Variants in MAN1A1 observed in about 807,000 individuals in gnomAD.
MAN1A1 encodes the protein mannosidase alpha class 1A member 1.
MAN1A1 carries 29 observed loss-of-function variants against 70.8 expected under a neutral mutation model. The observed-to-expected ratio is 0.41, with a 90% CI of 0.31 to 0.56. The LOEUF (loss-of-function observed/expected upper bound fraction) is 0.56. Ranked by LOEUF, MAN1A1 falls within the 20% of genes least tolerant of loss-of-function variation. MAN1A1 has a pLI of 0.29. For synonymous variants in MAN1A1, 349 were observed against 330.1 expected (o/e 1.06, Z -0.62); for missense variants, 747 against 841.3 (o/e 0.89, Z 1.39).
rs1487966413 is a variant in MAN1A1 at position 119,178,933 on chromosome 6, C to G, written c.*886G>C. 1 of 152,094 alleles carries G rather than the reference C, an allele frequency of 6.6e-6. No homozygotes were observed. The highest frequency in any genetic ancestry group is 2.4e-5 in the African/African-American group (1 of 41,440). 9.4% of individuals were successfully genotyped at this position (152,094 alleles called of 1,614,324 possible). On this transcript the variant is annotated 3_prime_UTR_variant, in exon 13 of 13. Transcript: ENST00000368468. ...AACTAAAAGCCATATGAAATACCCT[C>G]TCTTTAGACAGACCCAATTTCTTCA...
At chr6:119,249,108 C>T (rs906593142) in intron 5 of MAN1A1, among the ~76,000 whole-genome samples, 1 of 151,980 alleles carries the variant, frequency 6.6e-6, no homozygotes, top group Non-Finnish European at 1.5e-5. Flanking sequence ...TACCACAGAC[C>T]GGAGTGAAGA....
chr6:119,250,102 G>T (rs1317651938), intron 5 of MAN1A1, among the ~76,000 whole-genome samples: 2 of 152,058 alleles, frequency 1.3e-5, no homozygotes, highest in Admixed American at 1.3e-4. Context: ...AGAGCAAAGG[G>T]TATATTCTTC....
intron 6 of MAN1A1, among the ~76,000 whole-genome samples, chr6:119,248,056 G>A (rs900983105): frequency 1.3e-5 from 2 of 152,118 alleles, no homozygotes; most frequent in African/African-American, 2.4e-5. Flanking sequence ...TTGAGGTCAC[G>A]CCATCCCACA....
chr6:119,273,558 C>T (rs1233024782), intron 5 of MAN1A1, among the ~76,000 whole-genome samples: 1 of 152,118 alleles, frequency 6.6e-6, no homozygotes. Flanking sequence ...TAAAATATTT[C>T]CAAGACCTGC....
chr6:119,193,987 C>A, intron 8 of MAN1A1, 95 bp from the exon 9 acceptor site: 2 of 672,134 alleles, frequency 3.0e-6, no homozygotes, highest in South Asian at 1.8e-5. Context: ...AACCCTATGT[C>A]AACTGCAAGT....
At chr6:119,288,383 G>A (rs1026542850) in intron 5 of MAN1A1, among the ~76,000 whole-genome samples, 1 of 151,928 alleles carries the variant, frequency 6.6e-6, no homozygotes, top group African/African-American at 2.4e-5. Context: ...TAAAAAGTGT[G>A]TGGTATAAAA....
rs60924800 is a variant in MAN1A1, at chr6:119,235,477, C to T, written c.992+12783G>A. Among the ~76,000 whole-genome samples, 917 of 152,196 alleles carry T rather than the reference C, an allele frequency of 6.0e-3. 30 individuals are homozygous for T. The East Asian group carries it at 0.091, about 15-fold the overall frequency. ...AAGGCCCTAACTCTCTTTAATTCTA[C>T]GAAGACTGACAGAAGTGAAGAATCT... is the stretch of plus-strand genomic sequence containing the variant. On this transcript the variant is annotated intron_variant, in intron 6 of 12. Coordinates refer to ENST00000368468, the MANE Select transcript of MAN1A1 (RefSeq NM_005907.4).
chr6:119,203,112 G>A (rs1294321105), intron 7 of MAN1A1, among the ~76,000 whole-genome samples: 1 of 152,108 alleles, frequency 6.6e-6, no homozygotes, highest in Non-Finnish European at 1.5e-5. Context: ...TACCTCATGG[G>A]CAGTTTGATC....
chr6:119,216,414 G>C (rs1774204829), intron 6 of MAN1A1, among the ~76,000 whole-genome samples: 1 of 152,180 alleles, frequency 6.6e-6, no homozygotes, highest in Admixed American at 6.5e-5. Context: ...GAGTTGTCAG[G>C]AAGAATTGGA....
At chr6:119,331,582 T>TATATATACATAC (rs1554216776) in intron 2 of MAN1A1, among the ~76,000 whole-genome samples, 3 of 144,738 alleles carry the variant, frequency 2.1e-5, no homozygotes, top group African/African-American at 7.7e-5. Flanking sequence ...TATATATATA[T>TATATATACATAC]ATATATATAT....
intron 8 of MAN1A1, among the ~76,000 whole-genome samples, chr6:119,195,677 T>A (rs1773551019): frequency 6.6e-6 from 1 of 152,218 alleles, no homozygotes; most frequent in African/African-American, 2.4e-5. Flanking sequence ...GTCTTGCACA[T>A]GGTAGGTACT....
intron 5 of MAN1A1, among the ~76,000 whole-genome samples, chr6:119,283,837 C>T (rs577449005): frequency 1.5e-4 from 23 of 152,148 alleles, no homozygotes; most frequent in African/African-American, 5.1e-4. Flanking sequence ...CTTTTAAGGC[C>T]ACATGGACCA....
chr6:119,207,849 C>T (rs1337249616), intron 6 of MAN1A1, among the ~76,000 whole-genome samples: 2 of 152,048 alleles, frequency 1.3e-5, no homozygotes, highest in East Asian at 3.9e-4. Flanking sequence ...CTCGGGCATT[C>T]CCGGTTACCA....
chr6:119,335,894 C>G (rs1308115018), intron 2 of MAN1A1, among the ~76,000 whole-genome samples: 2 of 152,170 alleles, frequency 1.3e-5, no homozygotes, highest in Non-Finnish European at 1.5e-5. Context: ...CAGAAGACTA[C>G]GGATGCCAAG....
intron 7 of MAN1A1, among the ~76,000 whole-genome samples, chr6:119,203,580 C>T (rs908585082): frequency 2.6e-5 from 4 of 151,988 alleles, no homozygotes; most frequent in African/African-American, 9.7e-5. Flanking sequence ...GGTGTACATA[C>T]AGTACACCAG....
chr6:119,215,202 GAA>G (rs147930368), intron 6 of MAN1A1, among the ~76,000 whole-genome samples: 1 of 142,836 alleles, frequency 7.0e-6, no homozygotes, highest in Non-Finnish European at 1.5e-5. Flanking sequence ...AGTATAAAAA[GAA>G]AAAAAAAACA....
chr6:119,271,278 A>C (rs1447703436), intron 5 of MAN1A1, among the ~76,000 whole-genome samples: 1 of 152,214 alleles, frequency 6.6e-6, no homozygotes, highest in Non-Finnish European at 1.5e-5. Context: ...AAATGGATTT[A>C]AAGGAATGCT....
intron 6 of MAN1A1, among the ~76,000 whole-genome samples, chr6:119,230,664 G>C (rs145401566): frequency 6.6e-6 from 1 of 152,274 alleles, no homozygotes; most frequent in East Asian, 1.9e-4. Context: ...CTCTGTGAGA[G>C]TCACCAAGAA....
intron 6 of MAN1A1, among the ~76,000 whole-genome samples, chr6:119,205,633 CA>C (rs1435025089): frequency 1.3e-5 from 2 of 152,122 alleles, no homozygotes; most frequent in African/African-American, 2.4e-5. Context: ...TACATACATA[CA>C]AATACACATA....
Sources: allele counts gnomAD v4.1 joint callset (sites outside exome capture counted in the v4.1 genomes callset), GRCh38; gene constraint gnomAD v4.1.1; transcripts MANE v1.5; gene names NCBI Gene and HGNC (gene_info 2026-07-23, HGNC 2026-07-21).